The following LRP1B variants were observed in gnomAD, a reference collection of about 807,000 sequenced individuals.
LRP1B encodes the protein low-density lipoprotein receptor-related protein 1B.
In LRP1B, 217 loss-of-function variants were observed where a neutral mutation model predicts 556.6. The observed-to-expected ratio is 0.39, with a 90% CI of 0.35 to 0.44. LRP1B has a LOEUF of 0.44. Ranked by LOEUF, LRP1B falls within the 20% of genes least tolerant of loss-of-function variation. The probability of loss-of-function intolerance (pLI) is 1.00; values close to 1 mark genes in which losing one functional copy is unlikely to be tolerated. For missense variants in LRP1B, 5,053 were observed against 5,620.8 expected (o/e 0.90, Z 3.23); for synonymous variants, 2,047 against 1,865.8 (o/e 1.10, Z -2.50).
chr2:140,705,299 G>GT (rs891900810), intron 37 of LRP1B, among the ~76,000 whole-genome samples: 1 of 151,806 alleles, frequency 6.6e-6, no homozygotes, highest in African/African-American at 2.4e-5. Flanking sequence ...TGAGGCAGGC[G>GT]TATCACTTGA....
chr2:141,073,788 T>A (rs1407754657), intron 7 of LRP1B, among the ~76,000 whole-genome samples: 3 of 152,074 alleles, frequency 2.0e-5, no homozygotes, highest in African/African-American at 7.2e-5. Context: ...TTCTACTGTA[T>A]CCTCTATGTC....
chr2:141,467,110 ATATATATATATATC>A (rs1199285481), intron 3 of LRP1B, among the ~76,000 whole-genome samples: 747 of 3,254 alleles, frequency 0.23, 21 homozygotes, highest in South Asian at 0.47. Context: ...GTGTATATAT[ATATATATATATATC>A]TATATATATA....
At chr2:141,511,892 T>A (rs1250964603) in intron 2 of LRP1B, among the ~76,000 whole-genome samples, 1 of 152,208 alleles carries the variant, frequency 6.6e-6, no homozygotes, top group African/African-American at 2.4e-5. Context: ...CTGTGAACAC[T>A]ACAAATAAAT....
chr2:141,488,962 TTTG>T (rs1371659791), intron 2 of LRP1B, among the ~76,000 whole-genome samples: 2 of 48,594 alleles, frequency 4.1e-5, no homozygotes, highest in African/African-American at 7.0e-5. Context: ...TTTACATGGG[TTTG>T]TTTTTTTTTG....
intron 3 of LRP1B, among the ~76,000 whole-genome samples, chr2:141,321,719 A>T (rs1459125415): frequency 6.6e-6 from 1 of 152,124 alleles, no homozygotes; most frequent in Non-Finnish European, 1.5e-5. Context: ...GATATAGATG[A>T]ATAAACAGTA....
At chr2:140,422,391 C>A (rs1029484660) in intron 66 of LRP1B, among the ~76,000 whole-genome samples, 1 of 152,124 alleles carries the variant, frequency 6.6e-6, no homozygotes, top group African/African-American at 2.4e-5. Context: ...CAAAAGCAGG[C>A]ACACAGCAGT....
Position 140,939,824 on chromosome 2 carries a change from AT to A in LRP1B, c.3136+10410del, listed in dbSNP as rs577803241. Among the ~76,000 whole-genome samples the A allele has an allele frequency of 4.5e-4, 68 of 150,600 alleles. 1 individual carries two copies. Among genetic ancestry groups the A allele is most frequent in the Non-Finnish European group, 1.5e-5 (1 of 67,656 alleles). ...GTTGCAATTAGAAAATACAGGTAAAATTTTTTTTAGGAAAAACATGTTTCTT... is the reference window on the plus strand; with the variant it reads ...GTTGCAATTAGAAAATACAGGTAAAATTTTTTTAGGAAAAACATGTTTCTT... On this transcript the variant is annotated intron_variant, in intron 20 of 90. Coordinates refer to ENST00000389484, the MANE Select transcript of LRP1B (RefSeq NM_018557.3).
chr2:141,956,946 A>G (rs1574529546), intron 1 of LRP1B, among the ~76,000 whole-genome samples: 1 of 152,170 alleles, frequency 6.6e-6, no homozygotes, highest in East Asian at 1.9e-4. Context: ...TGACAAAACA[A>G]AAGAATATAT....
intron 3 of LRP1B, among the ~76,000 whole-genome samples, chr2:141,382,662 C>T (rs775220940): frequency 1.3e-5 from 2 of 152,188 alleles, no homozygotes; most frequent in Non-Finnish European, 2.9e-5. Context: ...TCTCTTTTTG[C>T]AGTTGGGAAC....
intron 2 of LRP1B, among the ~76,000 whole-genome samples, chr2:141,582,395 T>C (rs1413007340): frequency 2.0e-5 from 3 of 152,202 alleles, no homozygotes; most frequent in Admixed American, 2.0e-4. Flanking sequence ...GTGTGGTTGC[T>C]AGGGTAGCAG....
chr2:140,673,151 G>A (rs1685548594), intron 41 of LRP1B, among the ~76,000 whole-genome samples: 1 of 151,966 alleles, frequency 6.6e-6, no homozygotes, highest in African/African-American at 2.4e-5. Context: ...TTTATTATAA[G>A]CAGAAAGAAG....
At chr2:141,961,018 T>C (rs764580856) in intron 1 of LRP1B, among the ~76,000 whole-genome samples, 57 of 151,874 alleles carry the variant, frequency 3.8e-4, no homozygotes, top group Admixed American at 1.8e-3. Context: ...GAAAATATGA[T>C]TAACTATAAA....
intron 57 of LRP1B, among the ~76,000 whole-genome samples, chr2:140,488,891 G>T (rs932137744): frequency 6.6e-6 from 1 of 151,884 alleles, no homozygotes; most frequent in Non-Finnish European, 1.5e-5. Context: ...ATTTGTTTTA[G>T]CTTGGTTGCC....
At position 141,044,707 on chromosome 2, in the gene LRP1B, A is replaced by G. The variant is rs571655087; in HGVS notation, c.1789+4279T>C. On this transcript the variant is annotated intron_variant, in intron 11 of 90. Transcript: ENST00000389484. ...CTGGCCATCAGAGAAATGCAAATCA[A>G]AACCACAATGAGATACCATCTCACA... 2.0e-5 allele frequency among the ~76,000 whole-genome samples: 3 copies of G among 151,528 alleles called. No homozygotes were observed. The South Asian group carries it at 6.2e-4, about 32-fold the overall frequency.
chr2:140,886,398 G>A (rs2105193136), intron 23 of LRP1B, 63 bp from the exon 24 acceptor site: 5 of 804,376 alleles, frequency 6.2e-6, no homozygotes, highest in South Asian at 2.1e-5. Context: ...GAAATGCTTG[G>A]GATCAAAATA....
At chr2:140,715,708 G>A (rs1260396205) in intron 37 of LRP1B, among the ~76,000 whole-genome samples, 1 of 152,008 alleles carries the variant, frequency 6.6e-6, no homozygotes, top group South Asian at 2.1e-4. Flanking sequence ...CAATTCTAAG[G>A]AAGAGATTTA....
intron 3 of LRP1B, among the ~76,000 whole-genome samples, chr2:141,269,668 C>T (rs924149904): frequency 1.1e-4 from 16 of 152,118 alleles, no homozygotes; most frequent in South Asian, 2.1e-4. Context: ...AAATAAACCC[C>T]ACTGTGGAAG....
chr2:142,051,551 C>T (rs10928133), intron 1 of LRP1B, among the ~76,000 whole-genome samples: 80,764 of 151,470 alleles, frequency 0.53, 22,246 homozygotes, highest in East Asian at 0.69. Flanking sequence ...GATCTTGGCT[C>T]ATTGCAACCT....
At chr2:141,688,173 C>T (rs944975978) in intron 2 of LRP1B, among the ~76,000 whole-genome samples, 2 of 151,626 alleles carry the variant, frequency 1.3e-5, no homozygotes, top group African/African-American at 4.8e-5. Context: ...CTTTCTGTCA[C>T]ACGTTTTAGT....
Sources: allele counts gnomAD v4.1 joint callset (sites outside exome capture counted in the v4.1 genomes callset), GRCh38; gene constraint gnomAD v4.1.1; transcripts MANE v1.5; gene names NCBI Gene and HGNC (gene_info 2026-07-23, HGNC 2026-07-21).